The following AFF3 variants were observed in gnomAD, a reference collection of about 807,000 sequenced individuals.
AFF3 encodes ALF transcription elongation factor 3.
AFF3 carries 32 observed loss-of-function variants against 129.7 expected under a neutral mutation model. The observed-to-expected ratio is 0.25, with a 90% CI of 0.19 to 0.33. The LOEUF (loss-of-function observed/expected upper bound fraction) is 0.33, where lower values mean the gene tolerates loss of function less well. AFF3 is among the 10% of genes least tolerant of loss of function. The probability of loss-of-function intolerance (pLI) is 1.00; values close to 1 mark genes in which losing one functional copy is unlikely to be tolerated. For synonymous variants in AFF3, 644 were observed against 635.4 expected, an observed-to-expected ratio of 1.01 and a Z score of -0.20; for missense variants, 1,373 against 1,592.0, an observed-to-expected ratio of 0.86 and a Z score of 2.34.
At chr2:99,890,707 G>GA (rs1308305554) in intron 7 of AFF3, among the ~76,000 whole-genome samples, 1 of 152,118 alleles carries the variant, frequency 6.6e-6, no homozygotes, top group Non-Finnish European at 1.5e-5. Flanking sequence ...GTTGGGGGCA[G>GA]GCTTTGACGT....
intron 8 of AFF3, among the ~76,000 whole-genome samples, chr2:99,773,449 T>C (rs1683649374): frequency 1.3e-5 from 2 of 150,892 alleles, no homozygotes; most frequent in Admixed American, 6.6e-5. Context: ...GAGTCTTTTA[T>C]TACTAAAATG....
chr2:99,854,643 G>T (rs993696495), intron 7 of AFF3, among the ~76,000 whole-genome samples: 1 of 152,128 alleles, frequency 6.6e-6, no homozygotes, highest in Non-Finnish European at 1.5e-5. Context: ...AACGTGGGGT[G>T]CTTGGTAAAT....
chr2:99,736,432 CA>C (rs1254708400), intron 10 of AFF3, among the ~76,000 whole-genome samples: 1 of 151,996 alleles, frequency 6.6e-6, no homozygotes, highest in Non-Finnish European at 1.5e-5. Context: ...GCTTTTTTAT[CA>C]CCAGTATTTG....
intron 7 of AFF3, among the ~76,000 whole-genome samples, chr2:99,959,339 C>CAAAAAAAAA (rs34083581): frequency 3.0e-5 from 2 of 66,960 alleles, no homozygotes; most frequent in Middle Eastern, 0.01. Context: ...AAGAGTCTGC[C>CAAAAAAAAA]AAAAAAAAAA....
intron 4 of AFF3, among the ~76,000 whole-genome samples, chr2:100,023,247 C>G (rs952790599): frequency 6.6e-6 from 1 of 152,230 alleles, no homozygotes; most frequent in Non-Finnish European, 1.5e-5. Flanking sequence ...TTTGCCTGGT[C>G]TTCCAGGACA....
intron 11 of AFF3, among the ~76,000 whole-genome samples, chr2:99,712,571 A>G (rs1203804338): frequency 6.6e-6 from 1 of 152,256 alleles, no homozygotes; most frequent in Non-Finnish European, 1.5e-5. Flanking sequence ...AAAAGTGAAC[A>G]TGTGCAATTG....
At chr2:99,691,711 A>G (rs1675684451) in intron 11 of AFF3, among the ~76,000 whole-genome samples, 1 of 152,164 alleles carries the variant, frequency 6.6e-6, no homozygotes, top group South Asian at 2.1e-4. Flanking sequence ...AGTTGCAAAA[A>G]TGCAAGTGTC....
chr2:99,650,716 C>T (rs1302797466), intron 12 of AFF3, among the ~76,000 whole-genome samples: 2 of 151,872 alleles, frequency 1.3e-5, no homozygotes, highest in Admixed American at 6.6e-5. Context: ...GGCCATTTCC[C>T]TACATGAAAT....
Position 100,100,974 on chromosome 2 carries a change from T to C in AFF3, c.53+3428A>G, listed in dbSNP as rs1690682307. Among the ~76,000 whole-genome samples, 2 of 152,230 alleles carry C rather than the reference T, an allele frequency of 1.3e-5. 1 individual carries two copies. Among genetic ancestry groups the C allele is most frequent in the South Asian group, 4.1e-4 (2 of 4,834 alleles). On this transcript the variant is annotated intron_variant, in intron 4 of 24. Transcript: ENST00000672756. ...AGAACAAAGCTACAGTGTTGGGTGC[T>C]GAATGAACACCTTAACCTTTTTCCA...
intron 7 of AFF3, among the ~76,000 whole-genome samples, chr2:100,002,481 C>T (rs1423595732): frequency 6.6e-6 from 1 of 152,182 alleles, no homozygotes; most frequent in Non-Finnish European, 1.5e-5. Context: ...TTAATCAATA[C>T]ATCTTAGACT....
intron 7 of AFF3, among the ~76,000 whole-genome samples, chr2:99,845,455 C>G (rs1017697375): frequency 6.6e-6 from 1 of 152,156 alleles, no homozygotes; most frequent in Non-Finnish European, 1.5e-5. Context: ...AGATGAGAAG[C>G]AGACAGTGAT....
intron 7 of AFF3, among the ~76,000 whole-genome samples, chr2:99,959,339 CAAAAAAAAAAAAA>C (rs34083581): frequency 1.5e-5 from 1 of 66,936 alleles, no homozygotes; most frequent in East Asian, 3.5e-4. Context: ...AAGAGTCTGC[CAAAAAAAAAAAAA>C]AAAAAAAAAG....
chr2:99,660,630 C>T (rs561924485), intron 12 of AFF3, among the ~76,000 whole-genome samples: 4 of 152,194 alleles, frequency 2.6e-5, no homozygotes, highest in Non-Finnish European at 5.9e-5. Context: ...AAGAACAAAT[C>T]CAGGTTGAAA....
chr2:99,593,584 C>A lies in AFF3; in HGVS notation c.2077G>T (p.Ala693Ser). 6.2e-7 allele frequency: 1 copy of A among 1,613,100 alleles called. No homozygotes were observed. Among genetic ancestry groups the A allele is most frequent in the Non-Finnish European group, 8.5e-7 (1 of 1,179,870 alleles). Residue 693 changes from alanine to serine, a missense_variant, in exon 15 of 25, where the codon GCA (alanine) becomes TCA (serine). Physicochemically the swap from Ala to Ser is moderately conservative, Grantham distance 99. This residue lies in a region of AFF3 where 466 missense variants were observed against 505.0 expected (regional missense o/e 0.92). Transcript: ENST00000672756. ...GAGGCAGAGGCAGCCACGGTCTGTG[C>A]TTTGGACAGAGGGTACTCCTCCTGC... ...SEQEEYPLSK[A>S]QTVAASASSG...
At chr2:100,053,168 T>C (rs762658074) in intron 4 of AFF3, among the ~76,000 whole-genome samples, 3 of 152,248 alleles carry the variant, frequency 2.0e-5, no homozygotes, top group Non-Finnish European at 4.4e-5. Flanking sequence ...TTGGCAGCAG[T>C]TGAAAAATTA....
rs564518567 is a variant in AFF3 at position 99,988,167 on chromosome 2, G to A, written c.873+18465C>T. 2.0e-5 allele frequency among the ~76,000 whole-genome samples: 3 copies of A among 152,328 alleles called. No homozygotes were observed. The South Asian group carries it at 6.2e-4, about 32-fold the overall frequency. ...TAGATGGTAGACAACAGAGAAGCCA[G>A]GGAGTGAAGGCAGGGGGAGAAGTGC... On this transcript the variant is annotated intron_variant, in intron 7 of 24. Transcript: ENST00000672756.
chr2:99,755,768 C>G (rs528073937), intron 8 of AFF3, among the ~76,000 whole-genome samples: 134 of 152,324 alleles, frequency 8.8e-4, no homozygotes, highest in African/African-American at 3.0e-3. Flanking sequence ...TCTGAGCCAG[C>G]TCATTCCAGG....
chr2:100,038,452 A>G (rs7572939), intron 4 of AFF3, among the ~76,000 whole-genome samples: 23,672 of 152,130 alleles, frequency 0.16, 2,098 homozygotes, highest in East Asian at 0.29. Context: ...GACAAAGAGT[A>G]AACAATCTCA....
intron 12 of AFF3, among the ~76,000 whole-genome samples, chr2:99,653,420 T>C (rs188199272): frequency 6.6e-6 from 1 of 152,344 alleles, no homozygotes; most frequent in East Asian, 1.9e-4. Context: ...TAAAAGGCTA[T>C]TGACTCTTTT....
Sources: gnomAD v4.1 joint callset for allele counts (sites outside exome capture counted in the v4.1 genomes callset) on GRCh38, gnomAD v4.1.1 for gene constraint, gnomAD v4.1.1 regional missense constraint, MANE v1.5 for transcripts, NCBI Gene and HGNC (gene_info 2026-07-23, HGNC 2026-07-21) for gene names.